Variants in MYH6 observed in about 807,000 individuals in gnomAD.
MYH6 encodes myosin heavy chain 6, also known as myosin-6.
A neutral mutation model predicts 223.2 loss-of-function variants in MYH6; 126 were observed. That is an observed-to-expected ratio of 0.56 (90% CI 0.49 to 0.65). The LOEUF is 0.65. Ranked by LOEUF, MYH6 falls within the 30% of genes least tolerant of loss-of-function variation. MYH6 has a pLI of 0.00. For synonymous variants in MYH6, 978 were observed against 1,010.2 expected (o/e 0.97, Z 0.61); for missense variants, 2,040 against 2,536.4 (o/e 0.80, Z 4.20).
chr14:23,394,127 C>T lies in MYH6; in HGVS notation c.2626G>A (p.Glu876Lys). 6.2e-7 allele frequency: 1 copy of T among 1,614,208 alleles called. No homozygotes were observed. The highest frequency in any genetic ancestry group is 8.5e-7 in the Non-Finnish European group (1 of 1,180,044). The change falls in exon 21 of 39, where the codon GAG (glutamate) becomes AAG (lysine). Residue 876 changes from glutamate to lysine, a missense_variant. Transcript: ENST00000405093. ...EKSEARRKEL[E>K]EKMVSLLQEK... ...TGCAGCAGGGACACCATCTTCTCCT[C>T]CAGCTCCTTGCGGCGAGCCTCGGAC...
At chr14:23,397,467 G>T in intron 16 of MYH6, 76 bp downstream of exon 16, 1 of 1,524,554 alleles carries the variant, frequency 6.6e-7, no homozygotes, top group Non-Finnish European at 9.1e-7. Context: ...TCAAGCATCA[G>T]AATAGGTGGT....
At chr14:23,401,273 C>G (rs149068444) in intron 12 of MYH6, among the ~76,000 whole-genome samples, 50 of 152,366 alleles carry the variant, frequency 3.3e-4, no homozygotes, top group Non-Finnish European at 6.8e-4. Flanking sequence ...TCCCAAAGTG[C>G]TGGGATTACA....
chr14:23,403,284 A>C (rs1357850214), intron 10 of MYH6, 64 bp downstream of exon 10: 6 of 1,363,230 alleles, frequency 4.4e-6, no homozygotes, highest in Non-Finnish European at 3.2e-6. Context: ...CCTGCCCTGC[A>C]TGCAGGAGTC....
chr14:23,387,869 A>T lies in MYH6; in HGVS notation c.4414T>A (p.Ser1472Thr). The change falls in exon 31 of 39, where the codon TCA becomes ACA. Residue 1472 changes from serine (S) to threonine (T), a missense_variant. Ser to Thr is a moderately conservative substitution (Grantham distance 58). Coordinates refer to ENST00000405093, the MANE Select transcript of MYH6 (RefSeq NM_002471.4). ...CTGAGGGAGCGAGCCTCCTTCTGTG[A>T]GGACTCCAGCTCAGACTGCGACTCC... ...YEESQSELES[S>T]QKEARSLSTE... The T allele has an allele frequency of 6.2e-7, 1 of 1,614,048 alleles. No individual in the cohort carries two copies. Among genetic ancestry groups the T allele is most frequent in the Non-Finnish European group, 8.5e-7 (1 of 1,180,010 alleles).
At chr14:23,397,112 C>A in intron 17 of MYH6, 32 bp from the exon 18 acceptor site, 9 of 1,614,234 alleles carry the variant, frequency 5.6e-6, no homozygotes, top group Non-Finnish European at 7.6e-6. Flanking sequence ...AAGGGTCAGC[C>A]TTAGGGTAAA....
At chr14:23,403,977 C>T (rs1470553847) in intron 8 of MYH6, among the ~76,000 whole-genome samples, 199 bp from the exon 9 acceptor site, 3 of 152,206 alleles carry the variant, frequency 2.0e-5, no homozygotes, top group Admixed American at 6.5e-5. Context: ...AACCTCGGCC[C>T]AGAGGGGAAC....
rs878943058 is a variant in MYH6, at chr14:23,384,773, C to T, written c.5290-56G>A. On this transcript the variant is annotated intron_variant, in intron 35 of 38. Transcript: ENST00000405093. Reference sequence around the variant, plus strand: ...TGGGCCAGGGGCCGGGGCCTTTTGCCCCCCAAGGATCTCCTTTCTCCCATC... The same window carrying T: ...TGGGCCAGGGGCCGGGGCCTTTTGCTCCCCAAGGATCTCCTTTCTCCCATC... The T allele has an allele frequency of 1.5e-4, 240 of 1,613,928 alleles. 3 individuals carry two copies. The South Asian group carries it at 2.4e-3, about 16-fold the overall frequency.
At chr14:23,397,433 C>T in intron 16 of MYH6, 110 bp downstream of exon 16, 1 of 1,392,478 alleles carries the variant, frequency 7.2e-7, no homozygotes, top group South Asian at 1.2e-5. Context: ...GACTACGTAG[C>T]CCTAGCTTCT....
Position 23,393,376 on chromosome 14 carries a change from T to G in MYH6, c.3071A>C (p.Lys1024Thr). 5 of 1,614,188 alleles carry G rather than the reference T, an allele frequency of 3.1e-6. No homozygotes were observed. Among genetic ancestry groups the G allele is most frequent in the Non-Finnish European group, 4.2e-6 (5 of 1,180,034 alleles). ...CTGCTGCTCCAGCTTGACCTTAGAC[T>G]TGGACAGGCTGTTGACCTTGTCTTC... ...VEEDKVNSLSKSKVKLEQQVD... is the reference protein window; with the variant it reads ...VEEDKVNSLSTSKVKLEQQVD... Residue 1024 changes from lysine to threonine, a missense_variant, in exon 23 of 39, where the codon AAG becomes ACG. Lys to Thr is a moderately conservative substitution (Grantham distance 78). This residue lies in a region of MYH6 where 1,203 missense variants were observed against 1,400.2 expected (regional missense o/e 0.86). Transcript: ENST00000405093.
rs1230448541 is a variant in MYH6, at chr14:23,387,742, T to G, written c.4525+16A>C. 6.2e-7 allele frequency: 1 copy of G among 1,614,018 alleles called. No individual in the cohort carries two copies. Among genetic ancestry groups the G allele is most frequent in the Non-Finnish European group, 8.5e-7 (1 of 1,179,978 alleles). On this transcript the variant is annotated intron_variant, in intron 31 of 38. Coordinates refer to ENST00000405093, the MANE Select transcript of MYH6 (RefSeq NM_002471.4). Reference sequence around the variant, plus strand: ...TCCCACCAACTCATCTCTGGCCTCTTGGACCCCCAGCACACCCTGAAGGTT... The same window carrying G: ...TCCCACCAACTCATCTCTGGCCTCTGGGACCCCCAGCACACCCTGAAGGTT...
At chr14:23,394,000 G>C in intron 21 of MYH6, 68 bp downstream of exon 21, 6 of 1,613,724 alleles carry the variant, frequency 3.7e-6, no homozygotes, top group Non-Finnish European at 5.1e-6. Context: ...CCCAGTCCCT[G>C]GTTGTGAGAT....
chr14:23,404,479 T>G (rs753659266), intron 7 of MYH6, 91 bp from the exon 8 acceptor site: 44 of 1,488,818 alleles, frequency 3.0e-5, no homozygotes, highest in Non-Finnish European at 3.9e-5. Context: ...CCCTGAGGAA[T>G]GGGGGTGCGG....
intron 15 of MYH6, among the ~76,000 whole-genome samples, chr14:23,397,929 C>CTTCT: frequency 8.1e-6 from 1 of 123,132 alleles, no homozygotes; most frequent in Admixed American, 7.9e-5. Context: ...CCTCCTCCTC[C>CTTCT]TCCTCTTCTT....
rs748984066 is a variant in MYH6 at position 23,384,565 on chromosome 14, C to T, written c.5442G>A (p.Leu1814=). 3 of 1,613,724 alleles carry T rather than the reference C, an allele frequency of 1.9e-6. No individual in the cohort carries two copies. Among genetic ancestry groups the T allele is most frequent in the Non-Finnish European group, 8.5e-7 (1 of 1,180,042 alleles). ...CCCGCACCCGCGCTTCCAGCTTCTG[C>T]AGCTGCTTCTTGCCTCCCTTGAGGG... ...QIALKGGKKQ[L]QKLEARVREL... The change falls in exon 36 of 39, where the codon CTG becomes CTA. Residue 1814 remains leucine (L), a synonymous_variant. Coordinates refer to ENST00000405093, the MANE Select transcript of MYH6 (RefSeq NM_002471.4).
chr14:23,400,468 G>A (rs1188609172), intron 13 of MYH6, 42 bp from the exon 14 acceptor site: 1 of 1,613,684 alleles, frequency 6.2e-7, no homozygotes. Flanking sequence ...GAAAGTGGGT[G>A]TGAGTGGCCA....
At position 23,397,205 on chromosome 14, in the gene MYH6, A is replaced by G; in HGVS notation, c.2015T>C (p.Val672Ala). The change falls in exon 17 of 39, where the codon GTG becomes GCG. Residue 672 changes from valine to alanine, a missense_variant. By Grantham distance (64) the Val-to-Ala change is moderately conservative. This residue lies in a region of MYH6 where 649 missense variants were observed against 877.3 expected (regional missense o/e 0.74). Transcript: ENST00000405093. Reference sequence around the variant, plus strand: ...CCGCTCATTGGGGATGATGCAACGCACAAAGTGAGGATGGGTGGTCCTCAG... The same window carrying G: ...CCGCTCATTGGGGATGATGCAACGCGCAAAGTGAGGATGGGTGGTCCTCAG... ...TNLRTTHPHF[V>A]RCIIPNERKA... is the part of the protein sequence containing the mutation. 1.9e-6 allele frequency: 3 copies of G among 1,614,252 alleles called. No homozygotes were observed. Among genetic ancestry groups the G allele is most frequent in the Non-Finnish European group, 1.7e-6 (2 of 1,180,046 alleles).
rs756594434 is a variant in MYH6 at position 23,400,181 on chromosome 14, G to A, written c.1581+75C>T. The A allele has an allele frequency of 5.6e-6, 9 of 1,608,222 alleles. No individual in the cohort carries two copies. The African/African-American group carries it at 6.7e-5, about 12-fold the overall frequency. On this transcript the variant is annotated intron_variant, in intron 14 of 38. Coordinates refer to ENST00000405093, the MANE Select transcript of MYH6 (RefSeq NM_002471.4). ...GATTCTTGGGACTCTAGTTTCTTGG[G>A]TGTAGAAGGGACTCAGCCACCACTT...
At position 23,386,627 on chromosome 14, in the gene MYH6, G is replaced by T. The variant is rs766134513; in HGVS notation, c.4651-4C>A. The stretch of plus-strand genomic sequence containing the variant: ...CCTCCTCGTGCTCCAGGGAGGCCTG[G>T]GAAGGGGTGGGGCGAGGGCGGGCAG... On this transcript the variant is annotated splice_polypyrimidine_tract_variant and splice_region_variant and intron_variant, in intron 32 of 38. Transcript: ENST00000405093. 109 of 1,607,940 alleles carry T rather than the reference G, an allele frequency of 6.8e-5. No homozygotes were observed. Among genetic ancestry groups the T allele is most frequent in the Non-Finnish European group, 9.0e-5 (106 of 1,175,996 alleles).
At chr14:23,404,995 C>A (rs1891737241) in intron 6 of MYH6, 105 bp downstream of exon 6, 3 of 1,568,838 alleles carry the variant, frequency 1.9e-6, no homozygotes, top group South Asian at 1.1e-5. Flanking sequence ...GTGCCCCATG[C>A]TCCCTGCAAT....
Sources: gnomAD v4.1 joint callset for allele counts (sites outside exome capture counted in the v4.1 genomes callset) on GRCh38, gnomAD v4.1.1 for gene constraint, gnomAD v4.1.1 regional missense constraint, MANE v1.5 for transcripts, NCBI Gene and HGNC (gene_info 2026-07-23, HGNC 2026-07-21) for gene names.